Variants in CTTNBP2 observed in about 807,000 individuals in gnomAD.
CTTNBP2 encodes the protein cortactin binding protein 2, also known as cortactin-binding protein 2.
CTTNBP2 carries 108 observed loss-of-function variants against 156.9 expected under a neutral mutation model. That is an observed-to-expected ratio of 0.69 (90% confidence interval 0.59 to 0.81). CTTNBP2 has a LOEUF of 0.81. CTTNBP2 is among the 30% of genes least tolerant of loss of function. The probability of loss-of-function intolerance (pLI) is 0.00; values close to 1 mark genes in which losing one functional copy is unlikely to be tolerated. For missense variants in CTTNBP2, 1,924 were observed against 2,035.4 expected, an observed-to-expected ratio of 0.95 and a Z score of 1.05; for synonymous variants, 767 against 751.8, an observed-to-expected ratio of 1.02 and a Z score of -0.33.
At chr7:117,871,589 C>T (rs1373937027) in intron 1 of CTTNBP2, 1 of 166,928 alleles carries the variant, frequency 6.0e-6, no homozygotes, top group African/African-American at 2.4e-5. Context: ...GGAACACTGA[C>T]CTTGTTAACA....
At position 117,791,405 on chromosome 7, in the gene CTTNBP2, C is replaced by G. The variant is rs201679552; in HGVS notation, c.1791G>C (p.Val597=). Residue 597 remains valine (V), a synonymous_variant, in exon 4 of 23, where the codon GTG becomes GTC. Coordinates refer to ENST00000160373, the MANE Select transcript of CTTNBP2 (RefSeq NM_033427.3). ...TPSSLPQGNR[V]INEENLPKSS... Reference sequence around the variant, plus strand: ...ACTTAGGAAGGTTCTCCTCATTGATCACCCTGTTCCCTTGTGGCAAACTGG... The same window carrying G: ...ACTTAGGAAGGTTCTCCTCATTGATGACCCTGTTCCCTTGTGGCAAACTGG... The G allele has an allele frequency of 6.2e-7, 1 of 1,614,038 alleles. No individual in the cohort carries two copies. Among genetic ancestry groups the G allele is most frequent in the South Asian group, 1.1e-5 (1 of 91,078 alleles).
At chr7:117,781,653 G>A (rs1185527467) in intron 6 of CTTNBP2, among the ~76,000 whole-genome samples, 3 of 152,160 alleles carry the variant, frequency 2.0e-5, no homozygotes, top group African/African-American at 2.4e-5. Context: ...CAGGGGTATC[G>A]CTTAGACCCA....
chr7:117,790,703 T>C (rs1798945311), intron 4 of CTTNBP2, among the ~76,000 whole-genome samples: 1 of 152,120 alleles, frequency 6.6e-6, no homozygotes, highest in Non-Finnish European at 1.5e-5. Context: ...TGTTAATAAT[T>C]ACTTGAAAGG....
At chr7:117,776,334 G>A (rs1798097678) in intron 8 of CTTNBP2, among the ~76,000 whole-genome samples, 1 of 152,004 alleles carries the variant, frequency 6.6e-6, no homozygotes, top group African/African-American at 2.4e-5. Context: ...TCTTGATGTT[G>A]TTGCTAAATG....
chr7:117,851,892 T>C (rs1329058546), intron 2 of CTTNBP2, among the ~76,000 whole-genome samples: 2 of 152,084 alleles, frequency 1.3e-5, no homozygotes, highest in Admixed American at 1.3e-4. Context: ...AAAAATGTAT[T>C]CCCAGGCACT....
chr7:117,814,560 T>C (rs914365861), intron 2 of CTTNBP2, among the ~76,000 whole-genome samples: 1 of 152,112 alleles, frequency 6.6e-6, no homozygotes, highest in Non-Finnish European at 1.5e-5. Context: ...CCCGAGTAGC[T>C]GAGACTATAG....
intron 2 of CTTNBP2, among the ~76,000 whole-genome samples, chr7:117,854,334 T>C (rs1317073622): frequency 3.3e-5 from 5 of 152,226 alleles, no homozygotes; most frequent in Admixed American, 3.3e-4. Flanking sequence ...AAAGACTGCA[T>C]GTTTTACTTA....
chr7:117,858,124 A>C (rs1484376098), intron 2 of CTTNBP2, among the ~76,000 whole-genome samples: 1 of 152,252 alleles, frequency 6.6e-6, no homozygotes, highest in Non-Finnish European at 1.5e-5. Context: ...TAATCCCAGC[A>C]CTTTGGAAGG....
chr7:117,751,828 C>G (rs1796634451), intron 12 of CTTNBP2, among the ~76,000 whole-genome samples: 1 of 152,202 alleles, frequency 6.6e-6, no homozygotes, highest in South Asian at 2.1e-4. Flanking sequence ...TAACTGCTCC[C>G]TTGTCAGCCA....
In CTTNBP2 at chr7:117,761,708, T is replaced by G. The variant is rs191050774; in HGVS notation, c.2897-998A>C. Among the ~76,000 whole-genome samples the G allele has an allele frequency of 8.4e-4, 128 of 152,348 alleles. No individual in the cohort carries two copies. The South Asian group carries it at 9.5e-3, about 11-fold the overall frequency. ...ACCTTTAGTTTGCTTCATAAATGTGTTTAAGCAGTCAAACATTAGAAATCA... is the reference window on the plus strand; with the variant it reads ...ACCTTTAGTTTGCTTCATAAATGTGGTTAAGCAGTCAAACATTAGAAATCA... On this transcript the variant is annotated intron_variant, in intron 9 of 22. Transcript: ENST00000160373.
At chr7:117,813,656 C>T (rs1410037294) in intron 2 of CTTNBP2, among the ~76,000 whole-genome samples, 1 of 152,100 alleles carries the variant, frequency 6.6e-6, no homozygotes, top group Non-Finnish European at 1.5e-5. Context: ...CTCTCCTTCA[C>T]GTCTGCAGAA....
intron 1 of CTTNBP2, among the ~76,000 whole-genome samples, chr7:117,866,933 A>T (rs974891002): frequency 6.6e-6 from 1 of 152,214 alleles, no homozygotes; most frequent in Non-Finnish European, 1.5e-5. Flanking sequence ...AGCAAGATTT[A>T]TGCTTTGGGG....
intron 2 of CTTNBP2, among the ~76,000 whole-genome samples, chr7:117,832,183 G>T (rs1319352597): frequency 6.6e-6 from 1 of 151,296 alleles, no homozygotes; most frequent in African/African-American, 2.4e-5. Flanking sequence ...CTTCCCCCCT[G>T]CCCACAGCTA....
chr7:117,817,284 C>T (rs552843754), intron 2 of CTTNBP2, among the ~76,000 whole-genome samples: 4 of 136,126 alleles, frequency 2.9e-5, no homozygotes, highest in East Asian at 2.2e-4. Context: ...CAGTGAGCTG[C>T]GATTGTGCCA....
chr7:117,717,878 C>T (rs1373213714), intron 22 of CTTNBP2, 140 bp downstream of exon 22: 1 of 552,754 alleles, frequency 1.8e-6, no homozygotes, highest in East Asian at 3.1e-5. Context: ...ACCTAATGAA[C>T]ACTTTTACCT....
At chr7:117,806,933 A>G (rs1338729146) in intron 3 of CTTNBP2, among the ~76,000 whole-genome samples, 1 of 151,564 alleles carries the variant, frequency 6.6e-6, no homozygotes, top group African/African-American at 2.4e-5. Flanking sequence ...TAAGTTTTGT[A>G]TTTTTAGTAG....
intron 2 of CTTNBP2, among the ~76,000 whole-genome samples, chr7:117,836,557 T>C (rs565674169): frequency 1.2e-4 from 18 of 152,202 alleles, no homozygotes; most frequent in Admixed American, 3.3e-4. Flanking sequence ...AGCGAGACTC[T>C]GTCTCAAAAA....
chr7:117,770,441 T>C (rs1797740297), intron 8 of CTTNBP2, among the ~76,000 whole-genome samples: 2 of 152,196 alleles, frequency 1.3e-5, no homozygotes, highest in Non-Finnish European at 2.9e-5. Context: ...GGGAACTCAA[T>C]GAAAGTGAAA....
Position 117,819,367 on chromosome 7 carries a change from T to TCTCTCTCTCTCTCACACA in CTTNBP2, c.190-8379_190-8378insTGTGTGAGAGAGAGAGAG, listed in dbSNP as rs1236694379. Among the ~76,000 whole-genome samples the TCTCTCTCTCTCTCACACA allele has an allele frequency of 3.8e-5, 5 of 130,706 alleles. No individual in the cohort carries two copies. In the East Asian group the frequency reaches 1.2e-3, roughly 32 times the overall value. 85.7% of individuals were successfully genotyped at this position (130,706 alleles called of 152,430 possible). On this transcript the variant is annotated intron_variant, in intron 2 of 22. Coordinates refer to ENST00000160373, the MANE Select transcript of CTTNBP2 (RefSeq NM_033427.3). ...TTTCTCTTTTCTCCTTCTCTCTCTCTCACACACACACACACACACACACAC... is the reference window on the plus strand; with the variant it reads ...TTTCTCTTTTCTCCTTCTCTCTCTCTCTCTCTCTCTCTCACACACACACACACACACACACACACACAC...
Sources: gnomAD v4.1 joint callset for allele counts (sites outside exome capture counted in the v4.1 genomes callset) on GRCh38, gnomAD v4.1.1 for gene constraint, MANE v1.5 for transcripts, NCBI Gene and HGNC (gene_info 2026-07-23, HGNC 2026-07-21) for gene names.